The following KCNQ1 variants were observed in gnomAD, a reference collection of about 807,000 sequenced individuals.
KCNQ1 encodes potassium voltage-gated channel subfamily Q member 1.
A neutral mutation model predicts 72.4 loss-of-function variants in KCNQ1; 49 were observed. The ratio of observed to expected loss-of-function variants is 0.68; its 90% CI spans 0.54 to 0.86. The LOEUF is 0.86. KCNQ1 is among the 40% of genes least tolerant of loss of function. The pLI is 0.00. For synonymous variants in KCNQ1, 450 were observed against 412.6 expected, an observed-to-expected ratio of 1.09 and a Z score of -1.10; for missense variants, 790 against 945.1, an observed-to-expected ratio of 0.84 and a Z score of 2.15.
rs1293936790 is a variant in KCNQ1 at position 2,579,837 on chromosome 11, A to G, written c.922-3598A>G. On this transcript the variant is annotated intron_variant, in intron 6 of 15. Transcript: ENST00000155840. This position sits in a 1 kb window ranked among gnomAD's most constrained non-coding sequence, Gnocchi z 6.0. ...CCCAGGAGGTGACACCCCCACCCTC[A>G]GCAGCTCTCGTCTGTTTGGGGGCAG... Among the ~76,000 whole-genome samples the G allele has an allele frequency of 6.6e-6, 1 of 151,894 alleles. No individual in the cohort carries two copies. Among genetic ancestry groups the G allele is most frequent in the African/African-American group, 2.4e-5 (1 of 41,338 alleles).
rs1313172486 is a variant in KCNQ1 at position 2,564,384 on chromosome 11, A to C, written c.478-6244A>C. 5.9e-5 allele frequency among the ~76,000 whole-genome samples: 9 copies of C among 152,180 alleles called. No homozygotes were observed. Among genetic ancestry groups the C allele is most frequent in the Non-Finnish European group, 2.9e-5 (2 of 68,028 alleles). On this transcript the variant is annotated intron_variant, in intron 2 of 15. Transcript: ENST00000155840. The surrounding 1 kb of genome is among the most constrained non-coding windows in gnomAD (Gnocchi z 4.5). ...TGAGGCGGGCGGATCACCTGAGGTC[A>C]GGAGTTTGAGACCAGCCTGGCCAAC...
chr11:2,702,068 G>GGCCTTCCTCA (rs1165434193), intron 11 of KCNQ1, among the ~76,000 whole-genome samples: 21 of 152,192 alleles, frequency 1.4e-4, no homozygotes, highest in Admixed American at 1.3e-3. Context: ...GGCCTCCTCT[G>GGCCTTCCTCA]GCCTTCCTCA....
rs1848131891 is a variant in KCNQ1, at chr11:2,559,771, G to A, written c.478-10857G>A. Among the ~76,000 whole-genome samples the A allele has an allele frequency of 6.6e-6, 1 of 152,138 alleles. No individual in the cohort carries two copies. The highest frequency in any genetic ancestry group is 1.5e-5 in the Non-Finnish European group (1 of 68,028). ...CAGCTGGCCGATTGCAGCTCTGAAG[G>A]TCAGAGATGGCCGCCAGCTGTGGGA... On this transcript the variant is annotated intron_variant, in intron 2 of 15. Transcript: ENST00000155840. The surrounding 1 kb of genome is among the most constrained non-coding windows in gnomAD (Gnocchi z 4.9).
rs1056835002 is a variant in KCNQ1 at position 2,488,344 on chromosome 11, A to G, written c.387-39584A>G. 6.6e-6 allele frequency among the ~76,000 whole-genome samples: 1 copy of G among 152,184 alleles called. No individual in the cohort carries two copies. The highest frequency in any genetic ancestry group is 1.5e-5 in the Non-Finnish European group (1 of 68,014). ...TTTCTTGTAGTCTTTGTCTGGCTTT[A>G]GTATCAGAGTAATGCTCTCCTCATA... On this transcript the variant is annotated intron_variant, in intron 1 of 15. Coordinates refer to ENST00000155840, the MANE Select transcript of KCNQ1 (RefSeq NM_000218.3). The surrounding 1 kb of genome is among the most constrained non-coding windows in gnomAD (Gnocchi z 5.1).
intron 11 of KCNQ1, chr11:2,666,205 A>G (rs1306164593): frequency 2.5e-6 from 1 of 398,424 alleles, no homozygotes; most frequent in Non-Finnish European, 4.4e-6. Flanking sequence ...CACTCTCCAG[A>G]GGGACACTCA....
chr11:2,583,316 G>A (rs988505184), intron 6 of KCNQ1, 119 bp from the exon 7 acceptor site: 80 of 771,316 alleles, frequency 1.0e-4, no homozygotes, highest in Non-Finnish European at 7.3e-5. Flanking sequence ...GGGTCGTCCT[G>A]GTGGTCAGGG....
chr11:2,580,508 T>C (rs1048638398), intron 6 of KCNQ1, among the ~76,000 whole-genome samples: 7 of 152,144 alleles, frequency 4.6e-5, no homozygotes, highest in Non-Finnish European at 8.8e-5. Flanking sequence ...AAAGCCTGGC[T>C]CCCCAGAGGA....
At chr11:2,628,948 C>T in intron 10 of KCNQ1, 3 of 398,252 alleles carry the variant, frequency 7.5e-6, no homozygotes. Flanking sequence ...TATTTCTATG[C>T]TTTCTATTCT....
chr11:2,749,140 C>G (rs113860380), intron 11 of KCNQ1, among the ~76,000 whole-genome samples: 2 of 152,216 alleles, frequency 1.3e-5, no homozygotes, highest in African/African-American at 4.8e-5. Context: ...GGCCAAACAT[C>G]AGAGACCTCA....
At position 2,670,723 on chromosome 11, in the gene KCNQ1, A is replaced by G; in HGVS notation, c.1514+8642A>G. The G allele has an allele frequency of 2.5e-6, 1 of 398,584 alleles. No individual in the cohort carries two copies. The highest frequency in any genetic ancestry group is 4.4e-6 in the Non-Finnish European group (1 of 226,100). The allele number at this position is 398,584 out of a possible 1,614,324, so 24.7% of individuals were successfully genotyped here. A position where few individuals can be genotyped will look rare whatever the true frequency, so the allele number is the denominator to read the frequency against. ...TTCTGTGGCCCATGGAGCAGGAGGG[A>G]ACAGTCTGCAGATATTATCTGGGCA... On this transcript the variant is annotated intron_variant, in intron 11 of 15. Transcript: ENST00000155840. This position sits in a 1 kb window ranked among gnomAD's most constrained non-coding sequence, Gnocchi z 4.9.
intron 10 of KCNQ1, chr11:2,649,379 G>A: frequency 2.5e-6 from 1 of 398,268 alleles, no homozygotes; most frequent in Non-Finnish European, 4.4e-6. Flanking sequence ...CTCTACTAGT[G>A]TTTTATGCTT....
chr11:2,821,085 G>C (rs554775678), intron 15 of KCNQ1, among the ~76,000 whole-genome samples: 1 of 152,342 alleles, frequency 6.6e-6, no homozygotes, highest in East Asian at 1.9e-4. Context: ...GGCCAGGTCC[G>C]GCCTGCTCTG....
At position 2,447,906 on chromosome 11, in the gene KCNQ1, C is replaced by G. The variant is rs964131122; in HGVS notation, c.386+2422C>G. Reference sequence around the variant, plus strand: ...GCCAGCCAGGATATCCTGTCCCCTCCTCGGGGAACCCCCCCTCCCCAGGAG... The same window carrying G: ...GCCAGCCAGGATATCCTGTCCCCTCGTCGGGGAACCCCCCCTCCCCAGGAG... On this transcript the variant is annotated intron_variant, in intron 1 of 15. Coordinates refer to ENST00000155840, the MANE Select transcript of KCNQ1 (RefSeq NM_000218.3). The surrounding 1 kb of genome is among the most constrained non-coding windows in gnomAD (Gnocchi z 7.6). 1.3e-5 allele frequency among the ~76,000 whole-genome samples: 2 copies of G among 152,190 alleles called. No individual in the cohort carries two copies. Among genetic ancestry groups the G allele is most frequent in the African/African-American group, 4.8e-5 (2 of 41,452 alleles).
rs1286930573 is a variant in KCNQ1 at position 2,818,277 on chromosome 11, T to TG, written c.1795-29487dup. Among the ~76,000 whole-genome samples, 1 of 152,150 alleles carries TG rather than the reference T, an allele frequency of 6.6e-6. No homozygotes were observed. The highest frequency in any genetic ancestry group is 1.5e-5 in the Non-Finnish European group (1 of 68,014). On this transcript the variant is annotated intron_variant, in intron 15 of 15. Transcript: ENST00000155840. The surrounding 1 kb of genome is among the most constrained non-coding windows in gnomAD (Gnocchi z 7.2). ...CTTGTGCCCTTGTCACCCACTCCTGTGGGTACACAGCTTCCCTTTCTGCAA... is the reference window on the plus strand; with the variant it reads ...CTTGTGCCCTTGTCACCCACTCCTGTGGGGTACACAGCTTCCCTTTCTGCAA...
At chr11:2,643,384 A>T (rs1358689607) in intron 10 of KCNQ1, 1 of 398,276 alleles carries the variant, frequency 2.5e-6, no homozygotes, top group African/African-American at 2.1e-5. Flanking sequence ...CCTCTTGGTC[A>T]ATTGATCCCT....
At chr11:2,499,577 A>T (rs1361722358) in intron 1 of KCNQ1, among the ~76,000 whole-genome samples, 1 of 150,960 alleles carries the variant, frequency 6.6e-6, no homozygotes, top group African/African-American at 2.4e-5. Context: ...AACACATTTC[A>T]ACCTATAAAA....
rs1303496846 is a variant in KCNQ1, at chr11:2,687,535, C to T, written c.1514+25454C>T. On this transcript the variant is annotated intron_variant, in intron 11 of 15. Coordinates refer to ENST00000155840, the MANE Select transcript of KCNQ1 (RefSeq NM_000218.3). This position sits in a 1 kb window ranked among gnomAD's most constrained non-coding sequence, Gnocchi z 5.0. ...CCAGCCTCCTCTGTATGGTCCCTTC[C>T]CTGGTGCACCTACCACAGCCCACTC... 1 of 398,590 alleles carries T rather than the reference C, an allele frequency of 2.5e-6. No homozygotes were observed. Among genetic ancestry groups the T allele is most frequent in the African/African-American group, 2.1e-5 (1 of 48,630 alleles). The allele number at this position is 398,590 out of a possible 1,614,324, so 24.7% of individuals were successfully genotyped here.
rs1849676520 is a variant in KCNQ1, at chr11:2,647,005, AG to A, written c.1394-14954del. On this transcript the variant is annotated intron_variant, in intron 10 of 15. Transcript: ENST00000155840. The surrounding 1 kb of genome is among the most constrained non-coding windows in gnomAD (Gnocchi z 4.0). ...TTTTACTTGCCTAATTGTTCTGGTG[AG>A]GACTTTTCTTACTCTGCTGAATAAG... is the stretch of plus-strand genomic sequence containing the variant. The A allele has an allele frequency of 2.5e-6, 1 of 398,438 alleles. No individual in the cohort carries two copies. The highest frequency in any genetic ancestry group is 4.4e-6 in the Non-Finnish European group (1 of 226,048). The allele number at this position is 398,438 out of a possible 1,614,324, so 24.7% of individuals were successfully genotyped here.
chr11:2,456,920 C>A (rs1589890174), intron 1 of KCNQ1, among the ~76,000 whole-genome samples: 1 of 116,726 alleles, frequency 8.6e-6, no homozygotes, highest in Admixed American at 1.1e-4. Flanking sequence ...GCCTGGGTGA[C>A]AGAGCAAGAC....
Sources: gnomAD v4.1 joint callset for allele counts (sites outside exome capture counted in the v4.1 genomes callset) on GRCh38, gnomAD v4.1.1 for gene constraint, Gnocchi (gnomAD v3.1) non-coding constraint, MANE v1.5 for transcripts, NCBI Gene and HGNC (gene_info 2026-07-23, HGNC 2026-07-21) for gene names.